GDPD5: variants seen among roughly 807,000 people sequenced by gnomAD.
The protein encoded by GDPD5 is glycerophosphodiester phosphodiesterase 2.
Under a neutral mutation model 75.1 loss-of-function variants are expected in GDPD5, and 48 were observed. The ratio of observed to expected loss-of-function variants is 0.64; its 90% confidence interval spans 0.51 to 0.81. GDPD5 has a LOEUF of 0.81. Among genes scored for constraint, GDPD5 ranks in the 40% least tolerant of loss-of-function variants. The probability of loss-of-function intolerance (pLI) is 0.00; values close to 1 mark genes in which losing one functional copy is unlikely to be tolerated. For synonymous variants in GDPD5, 336 were observed against 339.0 expected (o/e 0.99, Z 0.10); for missense variants, 706 against 822.6 (o/e 0.86, Z 1.73).
chr11:75,449,374 C>T, intron 8 of GDPD5, 143 bp downstream of exon 8: 1 of 820,260 alleles, frequency 1.2e-6, no homozygotes, highest in Non-Finnish European at 2.0e-6. Flanking sequence ...GTGGGCCACT[C>T]TGAGCCAGAA....
Position 75,442,858 on chromosome 11 carries a change from A to T in GDPD5, c.949-277T>A, listed in dbSNP as rs1184961456. On this transcript the variant is annotated intron_variant, in intron 11 of 16. Transcript: ENST00000336898. ...TAGAGCATTTCAGATCAGAGAGCCA[A>T]CCCCTCTCTAGAGTTTTACAGAGTT... 6 of 601,046 alleles carry T rather than the reference A, an allele frequency of 1.0e-5. No individual in the cohort carries two copies. In the African/African-American group the frequency reaches 1.1e-4, roughly 11 times the overall value. 37.2% of individuals were successfully genotyped at this position (601,046 alleles called of 1,614,324 possible). A position where few individuals can be genotyped will look rare whatever the true frequency, so the allele number is the denominator to read the frequency against.
rs755495239 is a variant in GDPD5 at position 75,477,633 on chromosome 11, C to T, written c.103G>A (p.Asp35Asn). The change falls in exon 3 of 17, where the codon GAT becomes AAT. Residue 35 changes from aspartate to asparagine, a missense_variant. By Grantham distance (23) the Asp-to-Asn change is conservative. Coordinates refer to ENST00000336898, the MANE Select transcript of GDPD5 (RefSeq NM_030792.8). ...CRWKRYQRSH[D>N]DTTPWERLWF... is the part of the protein sequence containing the mutation. ...GGGTGGCTCACCGGTGTGGTATCAT[C>T]ATGGGAGCGCTGGTAGCGCTTCCAA... The T allele has an allele frequency of 3.8e-6, 6 of 1,591,128 alleles. No homozygotes were observed. The highest frequency in any genetic ancestry group is 1.7e-4 in the Middle Eastern group (1 of 5,998).
intron 1 of GDPD5, among the ~76,000 whole-genome samples, chr11:75,517,781 T>C (rs967738210): frequency 1.3e-5 from 2 of 151,526 alleles, no homozygotes; most frequent in Admixed American, 6.6e-5. Flanking sequence ...AGGCCTCCAA[T>C]GTTCCCTGGA....
At chr11:75,448,155 C>A (rs1949036480) in intron 9 of GDPD5, among the ~76,000 whole-genome samples, 1 of 152,180 alleles carries the variant, frequency 6.6e-6, no homozygotes, top group South Asian at 2.1e-4. Flanking sequence ...CTCACACACA[C>A]CCCCACTTGG....
intron 10 of GDPD5, 108 bp from the exon 11 acceptor site, chr11:75,443,394 TGGCTCTGCCCCTCTCTG>T: frequency 1.5e-6 from 2 of 1,335,590 alleles, no homozygotes; most frequent in Non-Finnish European, 2.0e-6. Context: ...GGATCCCGGC[TGGCTCTGCCCCTCTCTG>T]GGCCTCAGTC....
At chr11:75,469,397 C>T (rs1949605633) in intron 3 of GDPD5, among the ~76,000 whole-genome samples, 1 of 152,204 alleles carries the variant, frequency 6.6e-6, no homozygotes, top group South Asian at 2.1e-4. Context: ...CAGAGGAGAC[C>T]AAGTCACAGA....
chr11:75,517,639 C>T (rs1401743984), intron 1 of GDPD5, among the ~76,000 whole-genome samples: 1 of 152,088 alleles, frequency 6.6e-6, no homozygotes, highest in African/African-American at 2.4e-5. Flanking sequence ...CTGGTGCCAT[C>T]CTCACTGGCA....
intron 1 of GDPD5, among the ~76,000 whole-genome samples, chr11:75,517,732 G>T (rs1484577025): frequency 6.6e-6 from 1 of 152,054 alleles, no homozygotes; most frequent in South Asian, 2.1e-4. Context: ...AGAGTTGGAT[G>T]ACTTAAGTGG....
chr11:75,489,200 G>C (rs1950066941), intron 2 of GDPD5, among the ~76,000 whole-genome samples: 1 of 151,938 alleles, frequency 6.6e-6, no homozygotes, highest in South Asian at 2.1e-4. Context: ...GACTCAATTA[G>C]GTACTTTTCT....
At chr11:75,502,488 C>T (rs1950318815) in intron 1 of GDPD5, among the ~76,000 whole-genome samples, 1 of 152,212 alleles carries the variant, frequency 6.6e-6, no homozygotes, top group Admixed American at 6.5e-5. Flanking sequence ...TTGTTCTAGG[C>T]ATTTCCTGTG....
chr11:75,501,214 C>T (rs757820708), intron 1 of GDPD5, among the ~76,000 whole-genome samples: 22 of 152,222 alleles, frequency 1.4e-4, no homozygotes, highest in Non-Finnish European at 2.6e-4. Flanking sequence ...GGGGCAAGGG[C>T]TATACCCTGG....
intron 8 of GDPD5, 53 bp from the exon 9 acceptor site, chr11:75,449,175 T>A (rs187080576): frequency 1.3e-6 from 2 of 1,530,512 alleles, no homozygotes; most frequent in Admixed American, 4.6e-5. Context: ...CAGGTTGGGG[T>A]GCAATGCTGG....
chr11:75,514,874 G>A (rs572006638), intron 1 of GDPD5, among the ~76,000 whole-genome samples: 16 of 152,354 alleles, frequency 1.1e-4, no homozygotes, highest in African/African-American at 3.6e-4. Context: ...TGAAATACAG[G>A]ATGCTGTCTC....
intron 6 of GDPD5, chr11:75,451,907 C>T (rs941555870): frequency 6.6e-6 from 1 of 152,250 alleles, no homozygotes; most frequent in Admixed American, 6.5e-5. Flanking sequence ...ATAGCAATAG[C>T]ACTGACACCC....
Position 75,442,571 on chromosome 11 carries a change from A to G in GDPD5, c.959T>C (p.Phe320Ser). Residue 320 changes from phenylalanine to serine, a missense_variant, in exon 12 of 17, where the codon TTC (phenylalanine) becomes TCC (serine). By Grantham distance (155) the Phe-to-Ser change is radical. Coordinates refer to ENST00000336898, the MANE Select transcript of GDPD5 (RefSeq NM_030792.8). The stretch of plus-strand genomic sequence containing the variant: ...GGGTGACAGGGAGCTGGCTGTCCAG[A>G]AGGGGTCAGTCTGGCAGGGACAGGG... ...AGQWFLKTDP[F>S]WTASSLSPSD... 6.2e-7 allele frequency: 1 copy of G among 1,614,004 alleles called. No individual in the cohort carries two copies. Among genetic ancestry groups the G allele is most frequent in the Non-Finnish European group, 8.5e-7 (1 of 1,179,996 alleles).
intron 1 of GDPD5, among the ~76,000 whole-genome samples, chr11:75,517,704 C>G (rs1950669438): frequency 6.6e-6 from 1 of 152,054 alleles, no homozygotes; most frequent in Admixed American, 6.6e-5. Context: ...TTTTAGTGAA[C>G]TGGCTCACAA....
intron 3 of GDPD5, among the ~76,000 whole-genome samples, chr11:75,468,141 C>G (rs1355233587): frequency 6.6e-6 from 1 of 152,194 alleles, no homozygotes; most frequent in Non-Finnish European, 1.5e-5. Flanking sequence ...AGACTGCAGC[C>G]CCAGGCCAAA....
chr11:75,441,851 G>A (rs371667677), intron 12 of GDPD5, 48 bp from the exon 13 acceptor site: 34 of 1,544,856 alleles, frequency 2.2e-5, no homozygotes, highest in African/African-American at 9.5e-5. Flanking sequence ...TGCACGATGC[G>A]TAAGAGTACC....
At chr11:75,497,166 T>C (rs1322367526) in intron 1 of GDPD5, among the ~76,000 whole-genome samples, 1 of 152,058 alleles carries the variant, frequency 6.6e-6, no homozygotes, top group African/African-American at 2.4e-5. Context: ...ACCAAGCCAG[T>C]CTAGACACCA....
Sources: gnomAD v4.1 joint callset for allele counts (sites outside exome capture counted in the v4.1 genomes callset) on GRCh38, gnomAD v4.1.1 for gene constraint, MANE v1.5 for transcripts, NCBI Gene and HGNC (gene_info 2026-07-23, HGNC 2026-07-21) for gene names.